The following LTBP2 variants were observed in gnomAD, a reference collection of about 807,000 sequenced individuals.
LTBP2 encodes latent transforming growth factor beta binding protein 2.
In LTBP2, 103 loss-of-function variants were observed where a neutral mutation model predicts 210.6. That is an observed-to-expected ratio of 0.49 (90% CI 0.42 to 0.58). The LOEUF (loss-of-function observed/expected upper bound fraction) is 0.58. Among genes scored for constraint, LTBP2 ranks in the 20% least tolerant of loss-of-function variants. LTBP2 has a pLI of 0.00. For missense variants in LTBP2, 2,313 were observed against 2,494.5 expected, an observed-to-expected ratio of 0.93 and a Z score of 1.55; for synonymous variants, 1,007 against 1,015.0, an observed-to-expected ratio of 0.99 and a Z score of 0.15.
intron 3 of LTBP2, among the ~76,000 whole-genome samples, chr14:74,566,721 C>A (rs1335632591): frequency 2.0e-5 from 3 of 152,294 alleles, no homozygotes; most frequent in East Asian, 1.9e-4. Context: ...TGGTGCCTAT[C>A]CTAAAGGGTC....
In LTBP2 at chr14:74,585,865, C is replaced by T. The variant is rs777964994; in HGVS notation, c.819G>A (p.Ser273=). 3 of 1,613,260 alleles carry T rather than the reference C, an allele frequency of 1.9e-6. No homozygotes were observed. Among genetic ancestry groups the T allele is most frequent in the East Asian group, 2.2e-5 (1 of 44,880 alleles). ...PAPQSPPAPQ[S]PPAGTLSGLS... Reference sequence around the variant, plus strand: ...AGAAGGGGACTTACCCAGCTGGTGGCGACTGTGGTGCGGGCGGCGACTGTG... The same window carrying T: ...AGAAGGGGACTTACCCAGCTGGTGGTGACTGTGGTGCGGGCGGCGACTGTG... The change falls in exon 3 of 36, where the codon TCG becomes TCA. Residue 273 remains serine (S), a synonymous_variant. Coordinates refer to ENST00000261978, the MANE Select transcript of LTBP2 (RefSeq NM_000428.3).
intron 1 of LTBP2, among the ~76,000 whole-genome samples, chr14:74,605,368 C>A (rs1448719408): frequency 3.9e-5 from 6 of 152,220 alleles, no homozygotes; most frequent in Admixed American, 3.9e-4. Context: ...GTCCCACCAG[C>A]CAAGAGTTGT....
At position 74,525,021 on chromosome 14, in the gene LTBP2, G is replaced by A. The variant is rs1054147452; in HGVS notation, c.2530+103C>T. On this transcript the variant is annotated intron_variant, in intron 15 of 35. Transcript: ENST00000261978. ...CTGGGGACTTTACCTAGTTGGAAAG[G>A]TGAGGGGGCATTCCATTCATGCCCC... 7.0e-6 allele frequency: 4 copies of A among 573,006 alleles called. No homozygotes were observed. The East Asian group carries it at 1.2e-4, about 18-fold the overall frequency. 35.5% of individuals were successfully genotyped at this position (573,006 alleles called of 1,614,324 possible).
chr14:74,521,920 C>G lies in LTBP2; in HGVS notation c.2779G>C (p.Glu927Gln). 1 of 1,614,166 alleles carries G rather than the reference C, an allele frequency of 6.2e-7. No individual in the cohort carries two copies. Among genetic ancestry groups the G allele is most frequent in the Non-Finnish European group, 8.5e-7 (1 of 1,180,024 alleles). ...GGCGGGCTTGGCTTACCTTGACACT[C>G]CTGTGTCGCCCCTGAGGTGGCCAGA... ...YTLATSGATQECQDINECEQP... is the reference protein window; with the variant it reads ...YTLATSGATQQCQDINECEQP... Residue 927 changes from glutamate (E) to glutamine (Q), a missense_variant, in exon 17 of 36, where the codon GAG (glutamate) becomes CAG (glutamine). Physicochemically the swap from Glu to Gln is conservative, Grantham distance 29 (BLOSUM62 2). Coordinates refer to ENST00000261978, the MANE Select transcript of LTBP2 (RefSeq NM_000428.3).
chr14:74,562,000 A>G (rs2087800303), intron 3 of LTBP2, among the ~76,000 whole-genome samples: 1 of 152,200 alleles, frequency 6.6e-6, no homozygotes, highest in Non-Finnish European at 1.5e-5. Context: ...ACCTGAGGTC[A>G]GGAGTTTGAG....
chr14:74,544,112 A>G (rs1441275394), intron 8 of LTBP2, among the ~76,000 whole-genome samples: 1 of 152,216 alleles, frequency 6.6e-6, no homozygotes, highest in Non-Finnish European at 1.5e-5. Context: ...AAGCTCTCAG[A>G]ACATCTCTGA....
At chr14:74,547,725 T>C (rs778886479) in intron 8 of LTBP2, among the ~76,000 whole-genome samples, 1 of 151,984 alleles carries the variant, frequency 6.6e-6, no homozygotes, top group Non-Finnish European at 1.5e-5. Flanking sequence ...CCAGGGCAGG[T>C]CAGCACCTTG....
chr14:74,500,722 C>T lies in LTBP2; in HGVS notation c.*162G>A. On this transcript the variant is annotated 3_prime_UTR_variant, in exon 36 of 36. Coordinates refer to ENST00000261978, the MANE Select transcript of LTBP2 (RefSeq NM_000428.3). ...AAGGGCATGGAGGCAATGACCGAAG[C>T]TTACAGCCAGAGGCTAAGCTGGGAG... 1.0e-6 allele frequency: 1 copy of T among 953,900 alleles called. No individual in the cohort carries two copies. The highest frequency in any genetic ancestry group is 1.6e-6 in the Non-Finnish European group (1 of 610,528). The allele number at this position is 953,900 out of a possible 1,614,324, so 59.1% of individuals were successfully genotyped here.
chr14:74,551,215 G>A lies in LTBP2; in HGVS notation c.1535C>T (p.Pro512Leu), dbSNP rs762006320. Reference sequence around the variant, plus strand: ...GCCAGGGCTGGCAGGCAGCCAGGGCGGGGGTCTGGTCTCCACGCTGTTCTC... The same window carrying A: ...GCCAGGGCTGGCAGGCAGCCAGGGCAGGGGTCTGGTCTCCACGCTGTTCTC... The part of the protein sequence containing the change: ...LVENSVETRP[P>L]PWLPASPGHS... Residue 512 changes from proline to leucine, a missense_variant, in exon 7 of 36, where the codon CCG becomes CTG. Transcript: ENST00000261978. 4.2e-5 allele frequency: 68 copies of A among 1,613,276 alleles called. 2 individuals are homozygous for A. In the South Asian group the frequency reaches 5.8e-4, roughly 14 times the overall value.
chr14:74,529,249 T>C, intron 10 of LTBP2, 127 bp from the exon 11 acceptor site: 2 of 1,139,894 alleles, frequency 1.8e-6, no homozygotes, highest in Non-Finnish European at 2.6e-6. Context: ...ATATCTCAGT[T>C]GGGAAGTTTG....
At chr14:74,556,317 C>T (rs555761371) in intron 3 of LTBP2, among the ~76,000 whole-genome samples, 22 of 152,332 alleles carry the variant, frequency 1.4e-4, no homozygotes, top group African/African-American at 3.1e-4. Context: ...CCTTTGCTCA[C>T]GTATATGATT....
intron 2 of LTBP2, among the ~76,000 whole-genome samples, chr14:74,589,204 G>GA (rs1258855833): frequency 2.6e-5 from 4 of 152,214 alleles, no homozygotes; most frequent in African/African-American, 7.2e-5. Context: ...CACTGGATGT[G>GA]AAGCTTGTGA....
At chr14:74,506,570 T>G in intron 27 of LTBP2, 128 bp downstream of exon 27, 2 of 1,462,804 alleles carry the variant, frequency 1.4e-6, no homozygotes, top group Non-Finnish European at 9.4e-7. Context: ...TCCCTCTTCT[T>G]TGAAGCCTCC....
rs768358017 is a variant in LTBP2, at chr14:74,528,659, G to C, written c.2192C>G (p.Thr731Ser). 6.2e-7 allele frequency: 1 copy of C among 1,613,156 alleles called. No individual in the cohort carries two copies. The highest frequency in any genetic ancestry group is 8.5e-7 in the Non-Finnish European group (1 of 1,180,046). The stretch of plus-strand genomic sequence containing the variant: ...CAGGCGGATGTCGGAGCTCGCGTAG[G>C]TGTAGCCGTGGCCGGCAGGGCAGAT... ...REICPAGHGY[T>S]YASSDIRLSM... The change falls in exon 12 of 36, where the codon ACC (threonine) becomes AGC (serine). Residue 731 changes from threonine to serine, a missense_variant. Transcript: ENST00000261978.
At chr14:74,552,822 C>A in intron 5 of LTBP2, 70 bp downstream of exon 5, 2 of 1,547,208 alleles carry the variant, frequency 1.3e-6, no homozygotes, top group East Asian at 2.4e-5. Context: ...CAGTCCAAGG[C>A]AGGCCTGGCT....
In LTBP2 at chr14:74,600,773, C is replaced by T. The variant is rs560592786; in HGVS notation, c.565+2862G>A. ...TCAAACATACCAACCCTCTTCCTCA[C>T]CTCCAAGTCCCAGTCCCTCCTGCCC... On this transcript the variant is annotated intron_variant, in intron 2 of 35. Transcript: ENST00000261978. Among the ~76,000 whole-genome samples, 15 of 152,340 alleles carry T rather than the reference C, an allele frequency of 9.8e-5. No individual in the cohort carries two copies. The East Asian group carries it at 2.9e-3, about 29-fold the overall frequency.
Position 74,555,660 on chromosome 14 carries a change from G to A in LTBP2, c.864C>T (p.Ser288=). The A allele has an allele frequency of 6.4e-7, 1 of 1,571,176 alleles. No individual in the cohort carries two copies. Among genetic ancestry groups the A allele is most frequent in the Non-Finnish European group, 8.7e-7 (1 of 1,153,978 alleles). Residue 288 remains serine, a synonymous_variant, in exon 4 of 36, where the codon TCC becomes TCT. Transcript: ENST00000261978. ...TGCGGGACAACCCCACGTGCTGCTGGGAAGGGTGGGTCTGGCTGAGGCCAC... is the reference window on the plus strand; with the variant it reads ...TGCGGGACAACCCCACGTGCTGCTGAGAAGGGTGGGTCTGGCTGAGGCCAC... ...TLSGLSQTHP[S]QQHVGLSRTV...
intron 7 of LTBP2, among the ~76,000 whole-genome samples, chr14:74,550,259 A>G (rs578222773): frequency 6.6e-5 from 10 of 152,282 alleles, no homozygotes; most frequent in Admixed American, 5.9e-4. Context: ...CCACAGACAA[A>G]GGGTCCTAAA....
intron 8 of LTBP2, among the ~76,000 whole-genome samples, chr14:74,538,044 C>T (rs1286933120): frequency 7.9e-5 from 12 of 152,010 alleles, no homozygotes; most frequent in Non-Finnish European, 4.4e-5. Flanking sequence ...CATGAGCCAC[C>T]GCACCCAGCC....
Sources: gnomAD v4.1 joint callset for allele counts (sites outside exome capture counted in the v4.1 genomes callset) on GRCh38, gnomAD v4.1.1 for gene constraint, MANE v1.5 for transcripts, NCBI Gene and HGNC (gene_info 2026-07-23, HGNC 2026-07-21) for gene names.